The following PPP4R2 variants were observed in gnomAD, a reference collection of about 807,000 sequenced individuals.
The protein encoded by PPP4R2 is protein phosphatase 4 regulatory subunit 2, also known as serine/threonine-protein phosphatase 4 regulatory subunit 2.
In PPP4R2, 13 loss-of-function variants were observed where a neutral mutation model predicts 47.2. The observed-to-expected ratio is 0.28, with a 90% CI of 0.18 to 0.44. The LOEUF is 0.44. Ranked by LOEUF, PPP4R2 falls within the 20% of genes least tolerant of loss-of-function variation. The pLI is 1.00. For missense variants in PPP4R2, 421 were observed against 491.2 expected, an observed-to-expected ratio of 0.86 and a Z score of 1.35; for synonymous variants, 151 against 163.3, an observed-to-expected ratio of 0.92 and a Z score of 0.57.
At chr3:73,061,807 C>A in intron 5 of PPP4R2, 2 of 350,582 alleles carry the variant, frequency 5.7e-6, no homozygotes, top group South Asian at 5.5e-5. Flanking sequence ...TAGTGATCCT[C>A]CCGCCTTGGC....
At chr3:73,001,510 G>A (rs976485579) in intron 2 of PPP4R2, among the ~76,000 whole-genome samples, 4 of 152,188 alleles carry the variant, frequency 2.6e-5, no homozygotes, top group African/African-American at 9.7e-5. Context: ...GGAGGTTGAG[G>A]CTGCAGTGAG....
intron 2 of PPP4R2, among the ~76,000 whole-genome samples, chr3:73,004,654 C>G (rs1356575291): frequency 6.6e-6 from 1 of 151,958 alleles, no homozygotes; most frequent in Non-Finnish European, 1.5e-5. Flanking sequence ...TTAGGCTGGT[C>G]TCCTGAGCTT....
intron 2 of PPP4R2, among the ~76,000 whole-genome samples, chr3:73,004,857 G>GTGTTTGTT (rs768316571): frequency 4.3e-5 from 6 of 138,934 alleles, no homozygotes; most frequent in African/African-American, 8.7e-5. Context: ...GTGTGTGTGT[G>GTGTTTGTT]TGTGTGTGTG....
At chr3:73,037,682 CT>C (rs1193798183) in intron 2 of PPP4R2, among the ~76,000 whole-genome samples, 2 of 152,116 alleles carry the variant, frequency 1.3e-5, no homozygotes, top group Non-Finnish European at 2.9e-5. Flanking sequence ...TGCTTCTTGG[CT>C]TTACTTTAGT....
At chr3:73,008,405 A>G (rs1259692139) in intron 2 of PPP4R2, among the ~76,000 whole-genome samples, 3 of 152,220 alleles carry the variant, frequency 2.0e-5, no homozygotes, top group Non-Finnish European at 2.9e-5. Context: ...AGGCACGCCA[A>G]CTTTCTGAGT....
Position 73,054,763 on chromosome 3 carries a change from T to C in PPP4R2, c.288-4274T>C, listed in dbSNP as rs376687265. On this transcript the variant is annotated intron_variant, in intron 3 of 8. Coordinates refer to ENST00000356692, the MANE Select transcript of PPP4R2 (RefSeq NM_174907.4). ...AAGTTAAGGTAGTTAAACTGATTTT[T>C]TTAGAGTCTGAATGAAGTGCGCACT... Among the ~76,000 whole-genome samples, 31 of 152,340 alleles carry C rather than the reference T, an allele frequency of 2.0e-4. No homozygotes were observed. The East Asian group carries it at 5.8e-3, about 28-fold the overall frequency.
chr3:73,032,914 T>A (rs890045746), intron 2 of PPP4R2, among the ~76,000 whole-genome samples: 6 of 152,102 alleles, frequency 3.9e-5, no homozygotes, highest in Non-Finnish European at 5.9e-5. Context: ...TTTCATGTTT[T>A]AAAAAAAATC....
intron 2 of PPP4R2, among the ~76,000 whole-genome samples, chr3:73,023,557 T>TA (rs529718446): frequency 1.3e-5 from 2 of 152,186 alleles, no homozygotes; most frequent in East Asian, 1.9e-4. Flanking sequence ...CATAAGGTGT[T>TA]AAAAAACACA....
intron 2 of PPP4R2, among the ~76,000 whole-genome samples, chr3:73,028,907 A>G (rs1199898981): frequency 2.0e-5 from 3 of 152,186 alleles, no homozygotes; most frequent in African/African-American, 7.2e-5. Context: ...GGAGCACTGT[A>G]AAGGCTTTGG....
intron 2 of PPP4R2, among the ~76,000 whole-genome samples, chr3:73,002,613 T>C (rs1575835057): frequency 1.1e-5 from 1 of 88,294 alleles, no homozygotes; most frequent in African/African-American, 5.8e-5. Context: ...ATTTTTCTTT[T>C]CTTTTCTTTT....
Position 73,002,003 on chromosome 3 carries a change from C to T in PPP4R2, c.116+3845C>T, listed in dbSNP as rs962733906. Among the ~76,000 whole-genome samples the T allele has an allele frequency of 4.1e-5, 6 of 146,096 alleles. No homozygotes were observed. The South Asian group carries it at 1.3e-3, about 32-fold the overall frequency. On this transcript the variant is annotated intron_variant, in intron 2 of 8. Transcript: ENST00000356692. ...TTCTTTTTTCTCCCCTTTTATCTCT[C>T]CTGTTCCTTGCTCAGTCTCTAGTAA... is the stretch of plus-strand genomic sequence containing the variant.
chr3:73,017,853 G>C (rs1035327066), intron 2 of PPP4R2, among the ~76,000 whole-genome samples: 4 of 151,626 alleles, frequency 2.6e-5, no homozygotes, highest in Admixed American at 6.6e-5. Flanking sequence ...TCAGCCTTCC[G>C]TGTAGCTGGG....
Position 73,018,334 on chromosome 3 carries a change from C to T in PPP4R2, c.116+20176C>T, listed in dbSNP as rs1177258226. 3.3e-5 allele frequency among the ~76,000 whole-genome samples: 5 copies of T among 150,640 alleles called. No homozygotes were observed. The East Asian group carries it at 9.7e-4, about 29-fold the overall frequency. On this transcript the variant is annotated intron_variant, in intron 2 of 8. Transcript: ENST00000356692. ...GTTGACAGCGGGATTTAAGTATGTG[C>T]AGATTTTGGTATACACAGGAGTCTT... is the stretch of plus-strand genomic sequence containing the variant.
At chr3:73,052,294 T>G (rs1465511442) in intron 3 of PPP4R2, among the ~76,000 whole-genome samples, 4 of 149,218 alleles carry the variant, frequency 2.7e-5, no homozygotes, top group Non-Finnish European at 5.9e-5. Context: ...CTTTGGAACT[T>G]TAAAATTTCA....
intron 2 of PPP4R2, among the ~76,000 whole-genome samples, chr3:73,015,639 CTTTT>C (rs1357650265): frequency 1.4e-5 from 2 of 139,034 alleles, no homozygotes; most frequent in Non-Finnish European, 1.6e-5. Context: ...CCATGCCCAG[CTTTT>C]TTTTTTTTTT....
chr3:73,066,611 T>C lies in PPP4R2; in HGVS notation c.*889T>C, dbSNP rs111857308. 4.5e-3 allele frequency: 691 copies of C among 152,218 alleles called. 9 individuals are homozygous for C. Among genetic ancestry groups the C allele is most frequent in the African/African-American group, 0.016 (645 of 41,576 alleles). The allele number at this position is 152,218 out of a possible 1,614,324, so 9.4% of individuals were successfully genotyped here. On this transcript the variant is annotated 3_prime_UTR_variant, in exon 9 of 9. Transcript: ENST00000356692. ...AGAATGAATGTTTATGAAGCTGATA[T>C]GAGACCATCTCAGAAGAACCAAGTA...
rs534161120 is a variant in PPP4R2 at position 73,032,481 on chromosome 3, G to GT, written c.117-14701dup. ...TTTTTGTATTTTTAGTAGAGGCGGG[G>GT]TTTTACCATGTTGGCCAGGATGGTC... On this transcript the variant is annotated intron_variant, in intron 2 of 8. Coordinates refer to ENST00000356692, the MANE Select transcript of PPP4R2 (RefSeq NM_174907.4). 6.3e-3 allele frequency among the ~76,000 whole-genome samples: 958 copies of GT among 152,136 alleles called. 20 individuals are homozygous for GT. The highest frequency in any genetic ancestry group is 0.022 in the African/African-American group (910 of 41,514).
chr3:73,056,323 TGTA>T (rs1379448231), intron 3 of PPP4R2, among the ~76,000 whole-genome samples: 3 of 152,244 alleles, frequency 2.0e-5, no homozygotes, highest in Non-Finnish European at 2.9e-5. Context: ...TTACTGTAAT[TGTA>T]ATTATTTACA....
At chr3:73,031,380 T>C (rs1214374359) in intron 2 of PPP4R2, among the ~76,000 whole-genome samples, 1 of 151,836 alleles carries the variant, frequency 6.6e-6, no homozygotes, top group East Asian at 1.9e-4. Context: ...TCTCTGCTAA[T>C]AATACAAAAA....
Sources: gnomAD v4.1 joint callset for allele counts (sites outside exome capture counted in the v4.1 genomes callset) on GRCh38, gnomAD v4.1.1 for gene constraint, MANE v1.5 for transcripts, NCBI Gene and HGNC (gene_info 2026-07-23, HGNC 2026-07-21) for gene names.